NAALADL2: variants seen among roughly 807,000 people sequenced by gnomAD.
NAALADL2 encodes inactive N-acetylated-alpha-linked acidic dipeptidase-like protein 2.
In NAALADL2, 76 loss-of-function variants were observed where a neutral mutation model predicts 87.2. The ratio of observed to expected loss-of-function variants is 0.87; its 90% CI spans 0.72 to 1.05. The LOEUF is 1.05. Ranked by LOEUF, NAALADL2 falls within the 50% of genes least tolerant of loss-of-function variation. The pLI, the probability that NAALADL2 is intolerant of heterozygous loss-of-function variation, is 0.00. For missense variants in NAALADL2, 1,089 were observed against 945.8 expected (o/e 1.15, Z -1.99); for synonymous variants, 354 against 331.0 (o/e 1.07, Z -0.75).
chr3:174,811,374 G>A (rs981255174), intron 3 of NAALADL2, among the ~76,000 whole-genome samples: 7 of 152,160 alleles, frequency 4.6e-5, no homozygotes, highest in African/African-American at 1.7e-4. Flanking sequence ...CAGGGATAGA[G>A]CCAAGGCCTT....
At chr3:175,792,420 T>C (rs1006931789) in intron 13 of NAALADL2, among the ~76,000 whole-genome samples, 1 of 152,208 alleles carries the variant, frequency 6.6e-6, no homozygotes, top group African/African-American at 2.4e-5. Flanking sequence ...ACTTTGTACT[T>C]ACTTTTCATT....
At chr3:174,826,035 AACAACAACAACAACAACG>A (rs924113504) in intron 3 of NAALADL2, among the ~76,000 whole-genome samples, 3 of 146,344 alleles carry the variant, frequency 2.0e-5, no homozygotes, top group Non-Finnish European at 2.9e-5. Flanking sequence ...CTCAAACAAC[AACAACAACAACAACAACG>A]ACAACAACAA....
At chr3:175,619,580 CATT>C (rs1725919561) in intron 10 of NAALADL2, among the ~76,000 whole-genome samples, 1 of 151,858 alleles carries the variant, frequency 6.6e-6, no homozygotes, top group Admixed American at 6.6e-5. Flanking sequence ...AACTCTCAAT[CATT>C]ATATTCTCCT....
intron 11 of NAALADL2, among the ~76,000 whole-genome samples, chr3:175,665,351 T>G (rs771019936): frequency 1.7e-4 from 26 of 152,174 alleles, no homozygotes; most frequent in Non-Finnish European, 3.1e-4. Context: ...CCAACCAACT[T>G]TTCGGGATTT....
chr3:175,699,368 A>G (rs1011829813), intron 11 of NAALADL2, among the ~76,000 whole-genome samples: 1 of 152,142 alleles, frequency 6.6e-6, no homozygotes, highest in Middle Eastern at 3.4e-3. Flanking sequence ...AGAATAAAGA[A>G]CTATGCTGTT....
At chr3:175,667,887 T>C (rs1198914073) in intron 11 of NAALADL2, among the ~76,000 whole-genome samples, 1 of 152,050 alleles carries the variant, frequency 6.6e-6, no homozygotes. Context: ...ACTCTTAAAA[T>C]CTACCCTATT....
chr3:174,723,588 T>C lies in NAALADL2; in HGVS notation c.-114-14053T>C, dbSNP rs191147972. On this transcript the variant is annotated intron_variant, in intron 2 of 3. Coordinates refer to the NAALADL2 transcript ENST00000434257. ...GGCTAACATGGTGAAACCCCATCTC[T>C]GCTAAAAATACAAAACAATTAGCCG... Among the ~76,000 whole-genome samples, 455 of 151,800 alleles carry C rather than the reference T, an allele frequency of 3.0e-3. 2 individuals carry two copies. The highest frequency in any genetic ancestry group is 0.011 in the African/African-American group (438 of 41,420).
At chr3:174,566,939 AAT>A (rs1415213335) in intron 2 of NAALADL2, among the ~76,000 whole-genome samples, 1 of 151,692 alleles carries the variant, frequency 6.6e-6, no homozygotes, top group East Asian at 1.9e-4. Flanking sequence ...TCCAACTTTA[AAT>A]TCTGCTTGGA....
chr3:174,710,561 G>A (rs1020039352), intron 2 of NAALADL2, among the ~76,000 whole-genome samples: 1 of 152,074 alleles, frequency 6.6e-6, no homozygotes, highest in Non-Finnish European at 1.5e-5. Context: ...ACCCTCATAT[G>A]AGCCTTTTAA....
chr3:175,013,265 T>TACA (rs1750331812), intron 1 of NAALADL2, among the ~76,000 whole-genome samples: 3 of 99,506 alleles, frequency 3.0e-5, no homozygotes, highest in East Asian at 5.5e-4. Flanking sequence ...ATACATATAT[T>TACA]TTTATATATA....
At chr3:175,354,462 A>T (rs182193982) in intron 5 of NAALADL2, among the ~76,000 whole-genome samples, 1 of 152,028 alleles carries the variant, frequency 6.6e-6, no homozygotes, top group Non-Finnish European at 1.5e-5. Context: ...AGAAGAAAAT[A>T]TTTTTTCAGA....
chr3:175,514,538 G>C (rs931232034), intron 9 of NAALADL2, among the ~76,000 whole-genome samples: 1 of 152,112 alleles, frequency 6.6e-6, no homozygotes, highest in Non-Finnish European at 1.5e-5. Flanking sequence ...ATCAAATTTG[G>C]ATTTGTGATC....
chr3:175,195,025 TTCTCTC>T (rs199512057), intron 2 of NAALADL2, among the ~76,000 whole-genome samples: 3 of 149,470 alleles, frequency 2.0e-5, no homozygotes, highest in Non-Finnish European at 4.5e-5. Context: ...TAATTTTTAA[TTCTCTC>T]TCTCTCTCTC....
chr3:174,514,228 T>C (rs1207426704), intron 1 of NAALADL2, among the ~76,000 whole-genome samples: 1 of 152,206 alleles, frequency 6.6e-6, no homozygotes, highest in Non-Finnish European at 1.5e-5. Flanking sequence ...TAATTTTATA[T>C]TTTAATGTTT....
chr3:175,482,342 C>A (rs1726597423), intron 9 of NAALADL2, among the ~76,000 whole-genome samples: 1 of 151,848 alleles, frequency 6.6e-6, no homozygotes, highest in Admixed American at 6.6e-5. Context: ...GATAAAACCA[C>A]ATAAATTGTT....
intron 3 of NAALADL2, among the ~76,000 whole-genome samples, chr3:174,790,610 T>C (rs895025246): frequency 6.6e-6 from 1 of 150,454 alleles, no homozygotes; most frequent in Non-Finnish European, 1.5e-5. Flanking sequence ...ATTGTGCCAC[T>C]GCACTCCAGC....
intron 1 of NAALADL2, among the ~76,000 whole-genome samples, chr3:175,053,531 A>G (rs575355044): frequency 6.6e-6 from 1 of 152,346 alleles, no homozygotes; most frequent in South Asian, 2.1e-4. Context: ...CATCTGGCTC[A>G]TGATAAGGTT....
intron 11 of NAALADL2, among the ~76,000 whole-genome samples, chr3:175,661,182 G>C (rs913653631): frequency 9.9e-5 from 15 of 151,928 alleles, no homozygotes; most frequent in African/African-American, 3.6e-4. Context: ...TTTGATAATA[G>C]CTATTCTAAC....
At chr3:175,077,680 A>G (rs1716875520) in intron 1 of NAALADL2, among the ~76,000 whole-genome samples, 1 of 152,196 alleles carries the variant, frequency 6.6e-6, no homozygotes, top group Non-Finnish European at 1.5e-5. Context: ...TATAAATGGC[A>G]TGTGAATATT....
Sources: gnomAD v4.1 joint callset for allele counts (sites outside exome capture counted in the v4.1 genomes callset) on GRCh38, gnomAD v4.1.1 for gene constraint, MANE v1.5 for transcripts, NCBI Gene and HGNC (gene_info 2026-07-23, HGNC 2026-07-21) for gene names.